The following CCDC85A variants were observed in gnomAD, a reference collection of about 807,000 sequenced individuals.
CCDC85A encodes the protein coiled-coil domain containing 85A, also known as coiled-coil domain-containing protein 85A.
Under a neutral mutation model 50.2 loss-of-function variants are expected in CCDC85A, and 38 were observed. That is an observed-to-expected ratio of 0.76 (90% CI 0.58 to 0.99). The LOEUF is 0.99. CCDC85A is among the 50% of genes least tolerant of loss of function. CCDC85A has a pLI of 0.00. For missense variants in CCDC85A, 820 were observed against 742.0 expected (o/e 1.11, Z -1.22); for synonymous variants, 366 against 301.4 (o/e 1.21, Z -2.22).
At chr2:56,304,139 T>C (rs1048910800) in intron 2 of CCDC85A, among the ~76,000 whole-genome samples, 1 of 152,198 alleles carries the variant, frequency 6.6e-6, no homozygotes, top group South Asian at 2.1e-4. Flanking sequence ...AGTGCATTCT[T>C]ATTAGGAAAT....
chr2:56,203,091 T>C (rs1233938512), intron 2 of CCDC85A, among the ~76,000 whole-genome samples: 1 of 152,198 alleles, frequency 6.6e-6, no homozygotes, highest in African/African-American at 2.4e-5. Flanking sequence ...CTTATGTTGA[T>C]TGGCAGGGCA....
chr2:56,206,782 T>C (rs978333303), intron 2 of CCDC85A, among the ~76,000 whole-genome samples: 2 of 152,210 alleles, frequency 1.3e-5, no homozygotes, highest in Admixed American at 1.3e-4. Context: ...GGTTTTACAA[T>C]GATCAGTGCT....
Position 56,184,920 on chromosome 2 carries a change from G to A in CCDC85A, c.276+20G>A, listed in dbSNP as rs1675937937. ...CTCAAGGTGAGCGCGGGCCAGGTGGGGAGGCGCGGCGCGGCTGGGAGCGGG... is the reference window on the plus strand; with the variant it reads ...CTCAAGGTGAGCGCGGGCCAGGTGGAGAGGCGCGGCGCGGCTGGGAGCGGG... On this transcript the variant is annotated intron_variant, in intron 1 of 5. Transcript: ENST00000407595. 1 of 1,463,994 alleles carries A rather than the reference G, an allele frequency of 6.8e-7. No homozygotes were observed. Among genetic ancestry groups the A allele is most frequent in the African/African-American group, 1.5e-5 (1 of 68,162 alleles). 90.7% of individuals were successfully genotyped at this position (1,463,994 alleles called of 1,614,324 possible).
intron 2 of CCDC85A, among the ~76,000 whole-genome samples, chr2:56,329,402 T>G (rs976471768): frequency 2.0e-5 from 3 of 152,220 alleles, no homozygotes; most frequent in South Asian, 4.1e-4. Flanking sequence ...TATTTTTCAA[T>G]GGAGTACCCC....
Position 56,384,003 on chromosome 2 carries a change from C to T in CCDC85A, c.1573-263C>T, listed in dbSNP as rs146684139. ...TGCAGTCAGAGTTGGGGACCACTTA[C>T]GTAACTACAGTAAGTTAATACATCA... is the stretch of plus-strand genomic sequence containing the variant. On this transcript the variant is annotated intron_variant, in intron 5 of 5. Transcript: ENST00000407595. 5.9e-5 allele frequency among the ~76,000 whole-genome samples: 9 copies of T among 151,922 alleles called. No homozygotes were observed. In the East Asian group the frequency reaches 1.2e-3, roughly 20 times the overall value.
chr2:56,382,052 C>G (rs1033300179), intron 5 of CCDC85A, among the ~76,000 whole-genome samples: 1 of 151,842 alleles, frequency 6.6e-6, no homozygotes, highest in African/African-American at 2.4e-5. Flanking sequence ...GCAAACAAAC[C>G]CAAATCTGAT....
intron 2 of CCDC85A, among the ~76,000 whole-genome samples, chr2:56,302,335 G>A (rs73940648): frequency 0.02 from 2,985 of 152,168 alleles, 99 homozygotes; most frequent in African/African-American, 0.066. Flanking sequence ...GATTTGTTTC[G>A]CCTAGGGTAG....
At chr2:56,306,420 G>A (rs940623143) in intron 2 of CCDC85A, among the ~76,000 whole-genome samples, 2 of 152,154 alleles carry the variant, frequency 1.3e-5, no homozygotes, top group African/African-American at 4.8e-5. Context: ...AAGCCGCTGT[G>A]CCTGGCCCAG....
intron 5 of CCDC85A, among the ~76,000 whole-genome samples, chr2:56,377,089 A>T (rs984799095): frequency 6.6e-6 from 1 of 152,212 alleles, no homozygotes; most frequent in Non-Finnish European, 1.5e-5. Flanking sequence ...TTTCCTAAAC[A>T]TATACTGATT....
chr2:56,200,017 C>T lies in CCDC85A; in HGVS notation c.1240+6577C>T, dbSNP rs373934938. Among the ~76,000 whole-genome samples, 11 of 152,276 alleles carry T rather than the reference C, an allele frequency of 7.2e-5. No homozygotes were observed. The East Asian group carries it at 2.1e-3, about 29-fold the overall frequency. Reference sequence around the variant, plus strand: ...CTGAGTAGCTGGGATTACAGGCGCACACCACCACGCCTAGCTAATTTTTGT... The same window carrying T: ...CTGAGTAGCTGGGATTACAGGCGCATACCACCACGCCTAGCTAATTTTTGT... On this transcript the variant is annotated intron_variant, in intron 2 of 5. Coordinates refer to ENST00000407595, the MANE Select transcript of CCDC85A (RefSeq NM_001080433.2).
At chr2:56,242,877 T>C (rs1189932415) in intron 2 of CCDC85A, among the ~76,000 whole-genome samples, 1 of 152,094 alleles carries the variant, frequency 6.6e-6, no homozygotes, top group Admixed American at 6.6e-5. Context: ...TGTCTTCTGT[T>C]AGTAATTTAT....
rs912858821 is a variant in CCDC85A at position 56,333,124 on chromosome 2, G to A, written c.1241-9755G>A. On this transcript the variant is annotated intron_variant, in intron 2 of 5. Coordinates refer to ENST00000407595, the MANE Select transcript of CCDC85A (RefSeq NM_001080433.2). Reference sequence around the variant, plus strand: ...ATATATGAACAAGCTAATGTATATGGTAGAAGGTGTTGAAGTCTTTTGATG... The same window carrying A: ...ATATATGAACAAGCTAATGTATATGATAGAAGGTGTTGAAGTCTTTTGATG... Among the ~76,000 whole-genome samples, 7 of 152,194 alleles carry A rather than the reference G, an allele frequency of 4.6e-5. 1 individual carries two copies. The highest frequency in any genetic ancestry group is 1.7e-4 in the African/African-American group (7 of 41,444).
At chr2:56,227,354 A>G (rs1362199480) in intron 2 of CCDC85A, among the ~76,000 whole-genome samples, 1 of 152,246 alleles carries the variant, frequency 6.6e-6, no homozygotes, top group South Asian at 2.1e-4. Context: ...GGAAGGATAC[A>G]TGTTTTCAGA....
rs6728073 is a variant in CCDC85A, at chr2:56,292,666, A to G, written c.1241-50213A>G. Among the ~76,000 whole-genome samples the G allele has an allele frequency of 8.5e-3, 1,301 of 152,266 alleles. 28 individuals are homozygous for G. Among genetic ancestry groups the G allele is most frequent in the African/African-American group, 0.029 (1,220 of 41,544 alleles). ...AATACATAAGGAAATAAATAACTCT[A>G]TATGATTCATTCTGGCTTACACTGG... On this transcript the variant is annotated intron_variant, in intron 2 of 5. Coordinates refer to ENST00000407595, the MANE Select transcript of CCDC85A (RefSeq NM_001080433.2).
intron 2 of CCDC85A, among the ~76,000 whole-genome samples, chr2:56,325,705 T>C (rs1446509897): frequency 6.6e-6 from 1 of 152,136 alleles, no homozygotes; most frequent in African/African-American, 2.4e-5. Flanking sequence ...CCTGTGTGTG[T>C]GTCATTGTCT....
At chr2:56,301,931 A>T (rs1378991800) in intron 2 of CCDC85A, among the ~76,000 whole-genome samples, 1 of 152,184 alleles carries the variant, frequency 6.6e-6, no homozygotes, top group Non-Finnish European at 1.5e-5. Flanking sequence ...CATTCTGCAC[A>T]TGTATTTCAG....
At position 56,304,440 on chromosome 2, in the gene CCDC85A, G is replaced by C. The variant is rs570850298; in HGVS notation, c.1241-38439G>C. On this transcript the variant is annotated intron_variant, in intron 2 of 5. Transcript: ENST00000407595. ...GCATCAAAAATTTTCTCTAGGACTG[G>C]TGTATTTATGTGAGAGTTCACCGGG... Among the ~76,000 whole-genome samples the C allele has an allele frequency of 2.2e-4, 33 of 152,232 alleles. 1 individual carries two copies. The South Asian group carries it at 6.4e-3, about 30-fold the overall frequency.
At chr2:56,288,377 G>A (rs1330502711) in intron 2 of CCDC85A, among the ~76,000 whole-genome samples, 2 of 151,790 alleles carry the variant, frequency 1.3e-5, no homozygotes, top group East Asian at 3.9e-4. Context: ...AACCGGGAAT[G>A]AATTACAATG....
At chr2:56,366,280 G>T (rs1289460797) in intron 3 of CCDC85A, among the ~76,000 whole-genome samples, 2 of 152,086 alleles carry the variant, frequency 1.3e-5, no homozygotes, top group Non-Finnish European at 2.9e-5. Context: ...CCCAGTAGTG[G>T]GATTGCTGAA....
Sources: allele counts gnomAD v4.1 joint callset (sites outside exome capture counted in the v4.1 genomes callset), GRCh38; gene constraint gnomAD v4.1.1; transcripts MANE v1.5; gene names NCBI Gene and HGNC (gene_info 2026-07-23, HGNC 2026-07-21).